Variants in PKP4 observed in about 807,000 individuals in gnomAD.
The protein encoded by PKP4 is plakophilin-4.
Under a neutral mutation model 145.1 loss-of-function variants are expected in PKP4, and 90 were observed. That is an observed-to-expected ratio of 0.62 (90% CI 0.52 to 0.74). The LOEUF (loss-of-function observed/expected upper bound fraction) is 0.74, where lower values mean the gene tolerates loss of function less well. Among genes scored for constraint, PKP4 ranks in the 30% least tolerant of loss-of-function variants. The probability of loss-of-function intolerance (pLI) is 0.00; values close to 1 mark genes in which losing one functional copy is unlikely to be tolerated. For missense variants in PKP4, 1,340 were observed against 1,482.7 expected (o/e 0.90, Z 1.58); for synonymous variants, 563 against 577.2 (o/e 0.98, Z 0.35).
chr2:158,602,608 G>A (rs540141476), intron 3 of PKP4, among the ~76,000 whole-genome samples: 23 of 152,204 alleles, frequency 1.5e-4, no homozygotes, highest in African/African-American at 4.8e-4. Context: ...GAAGTTCTGC[G>A]TTTTAAATTT....
At chr2:158,650,773 T>A (rs1204930848) in intron 11 of PKP4, among the ~76,000 whole-genome samples, 3 of 152,172 alleles carry the variant, frequency 2.0e-5, no homozygotes, top group Non-Finnish European at 4.4e-5. Context: ...CCGTGCCCCA[T>A]GAGGATTATG....
At chr2:158,590,124 A>C (rs1258296590) in intron 3 of PKP4, among the ~76,000 whole-genome samples, 1 of 152,140 alleles carries the variant, frequency 6.6e-6, no homozygotes, top group Admixed American at 6.6e-5. Context: ...AGATTTTTCT[A>C]TGCTGCTGTT....
intron 1 of PKP4, among the ~76,000 whole-genome samples, chr2:158,499,579 G>T (rs1160048882): frequency 2.0e-5 from 3 of 152,206 alleles, no homozygotes; most frequent in African/African-American, 7.2e-5. Flanking sequence ...AATTGGGCCT[G>T]TGTCCACTGG....
At chr2:158,666,632 G>T in intron 16 of PKP4, 69 bp downstream of exon 16, 1 of 1,335,562 alleles carries the variant, frequency 7.5e-7, no homozygotes, top group South Asian at 1.5e-5. Context: ...CTCTTCTTTT[G>T]ATTAATAAAT....
chr2:158,459,098 C>CT (rs1451698516), intron 1 of PKP4, among the ~76,000 whole-genome samples: 2 of 152,038 alleles, frequency 1.3e-5, no homozygotes, highest in Non-Finnish European at 2.9e-5. Context: ...AGCTTAGATT[C>CT]TTTTTATTTT....
intron 1 of PKP4, among the ~76,000 whole-genome samples, chr2:158,532,967 A>G (rs1318188960): frequency 6.6e-6 from 1 of 152,196 alleles, no homozygotes; most frequent in Non-Finnish European, 1.5e-5. Context: ...ACAGACCCCT[A>G]TAGCAATCTA....
intron 7 of PKP4, among the ~76,000 whole-genome samples, chr2:158,629,216 C>G (rs1204624821): frequency 1.3e-5 from 2 of 152,156 alleles, no homozygotes; most frequent in East Asian, 3.9e-4. Flanking sequence ...CCTTGGTGTG[C>G]TTACCTTCCT....
chr2:158,462,894 A>G (rs901121028), intron 1 of PKP4, among the ~76,000 whole-genome samples: 3 of 152,228 alleles, frequency 2.0e-5, no homozygotes, highest in African/African-American at 4.8e-5. Flanking sequence ...TGCTTACAAC[A>G]GGAGCTGGTT....
rs532708136 is a variant in PKP4, at chr2:158,459,229, A to G, written c.-6+2011A>G. On this transcript the variant is annotated intron_variant, in intron 1 of 21. Transcript: ENST00000389759. Reference sequence around the variant, plus strand: ...GGCAACATGAAAACGAGAACAACTAATGTCTGAAATAAGTGTTTCTGGGTG... The same window carrying G: ...GGCAACATGAAAACGAGAACAACTAGTGTCTGAAATAAGTGTTTCTGGGTG... Among the ~76,000 whole-genome samples, 33 of 152,314 alleles carry G rather than the reference A, an allele frequency of 2.2e-4. 1 individual carries two copies. The South Asian group carries it at 6.8e-3, about 32-fold the overall frequency.
intron 3 of PKP4, among the ~76,000 whole-genome samples, chr2:158,597,253 A>G (rs7581003): frequency 0.91 from 138,886 of 152,198 alleles, 63,443 homozygotes; most frequent in East Asian, 0.97. Context: ...AGCCCAAATC[A>G]GGAGGAATCT....
chr2:158,471,851 G>A (rs958642495), intron 1 of PKP4, among the ~76,000 whole-genome samples: 2 of 152,072 alleles, frequency 1.3e-5, no homozygotes, highest in African/African-American at 4.8e-5. Flanking sequence ...TCTGATTATT[G>A]AAAAATTAAA....
At chr2:158,510,908 G>C (rs184205329) in intron 1 of PKP4, among the ~76,000 whole-genome samples, 1 of 152,340 alleles carries the variant, frequency 6.6e-6, no homozygotes, top group Admixed American at 6.5e-5. Flanking sequence ...TTTCTTTAGT[G>C]ATTGATCTCT....
At chr2:158,642,757 C>A in intron 11 of PKP4, 58 bp downstream of exon 11, 3 of 1,306,450 alleles carry the variant, frequency 2.3e-6, no homozygotes, top group Non-Finnish European at 3.2e-6. Flanking sequence ...CTGGACTGTG[C>A]CCTTGTATAG....
At chr2:158,528,668 T>TAAAAAA (rs2043207609) in intron 1 of PKP4, among the ~76,000 whole-genome samples, 1 of 20,008 alleles carries the variant, frequency 5.0e-5, no homozygotes. Flanking sequence ...ACTTACTAAA[T>TAAAAAA]GAAAAAAAAA....
Position 158,468,770 on chromosome 2 carries a change from C to CT in PKP4, c.-6+11571dup, listed in dbSNP as rs58577988. Among the ~76,000 whole-genome samples the CT allele has an allele frequency of 5.0e-3, 546 of 109,960 alleles. 28 individuals are homozygous for CT. The highest frequency in any genetic ancestry group is 0.015 in the African/African-American group (427 of 29,308). The allele number at this position is 109,960 out of a possible 152,430, so 72.1% of individuals were successfully genotyped here. ...TTAGACATTTTCTTTTCTTCTTCTT[C>CT]TTTTTTTTTTTTTTTTTTTGAGACA... On this transcript the variant is annotated intron_variant, in intron 1 of 21. Transcript: ENST00000389759.
chr2:158,664,231 A>G (rs1575064723), intron 15 of PKP4, among the ~76,000 whole-genome samples: 1 of 152,198 alleles, frequency 6.6e-6, no homozygotes. Flanking sequence ...GAGTGGCAGG[A>G]CAGAACACAG....
chr2:158,604,780 G>A (rs923630155), intron 4 of PKP4, among the ~76,000 whole-genome samples: 20 of 152,156 alleles, frequency 1.3e-4, no homozygotes, highest in African/African-American at 4.6e-4. Flanking sequence ...ACTAAAGAAA[G>A]CCTTTATTCA....
intron 2 of PKP4, among the ~76,000 whole-genome samples, chr2:158,544,769 G>A (rs1292052131): frequency 1.3e-5 from 2 of 152,176 alleles, no homozygotes; most frequent in African/African-American, 2.4e-5. Context: ...ATATGTGTTG[G>A]ATGAGTTCAT....
chr2:158,649,806 T>C (rs1198769172), intron 11 of PKP4, among the ~76,000 whole-genome samples: 2 of 152,150 alleles, frequency 1.3e-5, no homozygotes, highest in African/African-American at 2.4e-5. Context: ...GTCCTACAAA[T>C]GCAAGAAAGG....
Sources: gnomAD v4.1 joint callset for allele counts (sites outside exome capture counted in the v4.1 genomes callset) on GRCh38, gnomAD v4.1.1 for gene constraint, MANE v1.5 for transcripts, NCBI Gene and HGNC (gene_info 2026-07-23, HGNC 2026-07-21) for gene names.